Variants in UTRN observed in about 807,000 individuals in gnomAD.
The protein encoded by UTRN is utrophin.
In UTRN, 283 loss-of-function variants were observed where a neutral mutation model predicts 463.9. The observed-to-expected ratio is 0.61, with a 90% CI of 0.55 to 0.67. UTRN has a LOEUF of 0.67. Among genes scored for constraint, UTRN ranks in the 30% least tolerant of loss-of-function variants. The pLI, the probability that UTRN is intolerant of heterozygous loss-of-function variation, is 0.00. For synonymous variants in UTRN, 1,442 were observed against 1,431.5 expected (o/e 1.01, Z -0.17); for missense variants, 3,922 against 4,084.3 (o/e 0.96, Z 1.08).
chr6:144,546,686 G>A (rs1270628897), intron 46 of UTRN, among the ~76,000 whole-genome samples: 1 of 152,042 alleles, frequency 6.6e-6, no homozygotes, highest in Non-Finnish European at 1.5e-5. Context: ...ATGCAGGCCT[G>A]TAGTTCCAAC....
At chr6:144,579,866 G>A (rs1443915916) in intron 51 of UTRN, among the ~76,000 whole-genome samples, 1 of 152,084 alleles carries the variant, frequency 6.6e-6, no homozygotes, top group Admixed American at 6.6e-5. Flanking sequence ...TTTATGTTTA[G>A]AATGTTTCAC....
At chr6:144,727,872 C>T (rs1230076087) in intron 53 of UTRN, among the ~76,000 whole-genome samples, 1 of 152,042 alleles carries the variant, frequency 6.6e-6, no homozygotes, top group Non-Finnish European at 1.5e-5. Flanking sequence ...GGTGGATCAC[C>T]TGAGGTCTGG....
intron 2 of UTRN, chr6:144,344,145 C>T (rs1777375857): frequency 3.9e-6 from 5 of 1,284,412 alleles, no homozygotes; most frequent in South Asian, 2.5e-5. Flanking sequence ...GTGTGCAGTT[C>T]GAAGGCTGCT....
chr6:144,344,272 ATGT>A, intron 2 of UTRN: 1 of 1,304,192 alleles, frequency 7.7e-7, no homozygotes. Context: ...TTGCCAGGGC[ATGT>A]AGCTCTCCAG....
intron 3 of UTRN, among the ~76,000 whole-genome samples, chr6:144,404,549 A>G (rs1429033940): frequency 3.9e-5 from 6 of 152,232 alleles, no homozygotes; most frequent in Non-Finnish European, 7.4e-5. Context: ...ATTCACGAGG[A>G]TAACACAGTA....
At chr6:144,788,796 C>T (rs1776513199) in intron 61 of UTRN, among the ~76,000 whole-genome samples, 1 of 152,180 alleles carries the variant, frequency 6.6e-6, no homozygotes, top group Admixed American at 6.5e-5. Flanking sequence ...CTCCTGACCT[C>T]AGGTGATCCG....
At chr6:144,756,820 A>C (rs959437246) in intron 57 of UTRN, among the ~76,000 whole-genome samples, 2 of 152,144 alleles carry the variant, frequency 1.3e-5, no homozygotes, top group Non-Finnish European at 2.9e-5. Context: ...TTGAGATCAC[A>C]TCTGAGCTCG....
intron 2 of UTRN, among the ~76,000 whole-genome samples, chr6:144,354,848 T>A (rs926965361): frequency 6.6e-6 from 1 of 152,186 alleles, no homozygotes; most frequent in Non-Finnish European, 1.5e-5. Flanking sequence ...TACCCATCAG[T>A]GTTTTTGAAA....
At chr6:144,495,223 G>A (rs889833034) in intron 33 of UTRN, among the ~76,000 whole-genome samples, 1 of 152,156 alleles carries the variant, frequency 6.6e-6, no homozygotes, top group South Asian at 2.1e-4. Flanking sequence ...GGGAGGCTCC[G>A]GCCGCACAGG....
intron 2 of UTRN, among the ~76,000 whole-genome samples, chr6:144,393,547 C>G (rs185548715): frequency 3.9e-5 from 6 of 152,208 alleles, no homozygotes; most frequent in Non-Finnish European, 7.4e-5. Context: ...AGAGACTGAC[C>G]CACATGGTGC....
At chr6:144,466,429 G>C (rs1296983878) in intron 23 of UTRN, among the ~76,000 whole-genome samples, 1 of 152,076 alleles carries the variant, frequency 6.6e-6, no homozygotes, top group East Asian at 1.9e-4. Context: ...TGTTGAGATT[G>C]GACCTACATA....
At chr6:144,710,164 G>A (rs538084632) in intron 53 of UTRN, among the ~76,000 whole-genome samples, 7 of 152,234 alleles carry the variant, frequency 4.6e-5, no homozygotes, top group South Asian at 2.1e-4. Context: ...CTGAGATTTC[G>A]CCTTAGAATA....
chr6:144,759,681 A>T (rs1792430541), intron 58 of UTRN, among the ~76,000 whole-genome samples: 1 of 152,094 alleles, frequency 6.6e-6, no homozygotes. Context: ...GGGGAGGCAG[A>T]GATTTGAGAA....
In UTRN at chr6:144,781,978, C is replaced by G. The variant is rs779090495; in HGVS notation, c.8689C>G (p.Gln2897Glu). 14 of 1,613,834 alleles carry G rather than the reference C, an allele frequency of 8.7e-6. No individual in the cohort carries two copies. The African/African-American group carries it at 1.5e-4, about 17-fold the overall frequency. The change falls in exon 61 of 75, where the codon CAA becomes GAA. Residue 2897 changes from glutamine to glutamate, a missense_variant. By Grantham distance (29) the Gln-to-Glu change is conservative. Coordinates refer to ENST00000367545, the MANE Select transcript of UTRN (RefSeq NM_007124.3). ...AATTTTCAAACAGCACAAGTTGAAC[C>G]AAAATGACCAGCTCCTCAGTGTTCC... ...NEIFKQHKLN[Q>E]NDQLLSVPDV...
At chr6:144,717,699 G>A (rs1400023035) in intron 53 of UTRN, among the ~76,000 whole-genome samples, 3 of 129,392 alleles carry the variant, frequency 2.3e-5, no homozygotes, top group African/African-American at 3.1e-5. Context: ...GCAATGGCTC[G>A]ATCTCGGCTC....
At chr6:144,770,342 T>A (rs957256503) in intron 58 of UTRN, among the ~76,000 whole-genome samples, 1 of 152,218 alleles carries the variant, frequency 6.6e-6, no homozygotes, top group Non-Finnish European at 1.5e-5. Flanking sequence ...AGTGATGATA[T>A]TCTTTTCCCA....
At chr6:144,624,880 A>G (rs769704589) in intron 51 of UTRN, among the ~76,000 whole-genome samples, 24 of 152,222 alleles carry the variant, frequency 1.6e-4, no homozygotes, top group Non-Finnish European at 2.5e-4. Flanking sequence ...ATCAAATACC[A>G]TGAATACGTT....
chr6:144,748,179 C>T lies in UTRN; in HGVS notation c.7940-67C>T. The T allele has an allele frequency of 4.6e-6, 7 of 1,509,838 alleles. No individual in the cohort carries two copies. The South Asian group carries it at 9.4e-5, about 20-fold the overall frequency. 93.5% of individuals were successfully genotyped at this position (1,509,838 alleles called of 1,614,324 possible). A position where few individuals can be genotyped will look rare whatever the true frequency, so the allele number is the denominator to read the frequency against. ...ATTTCTCAGTAACGATGGTAACACT[C>T]ACACTTGGCTATTAAGAATATATAA... On this transcript the variant is annotated intron_variant, in intron 54 of 74. Transcript: ENST00000367545.
chr6:144,837,877 A>G (rs1398742608), intron 71 of UTRN, among the ~76,000 whole-genome samples: 1 of 152,180 alleles, frequency 6.6e-6, no homozygotes, highest in Non-Finnish European at 1.5e-5. Context: ...TCAATCCCAC[A>G]ATTTGGAAAG....
Sources: gnomAD v4.1 joint callset for allele counts (sites outside exome capture counted in the v4.1 genomes callset) on GRCh38, gnomAD v4.1.1 for gene constraint, MANE v1.5 for transcripts, NCBI Gene and HGNC (gene_info 2026-07-23, HGNC 2026-07-21) for gene names.